DLGAP2: variants seen among roughly 807,000 people sequenced by gnomAD.
The protein encoded by DLGAP2 is DLG associated protein 2.
DLGAP2 carries 26 observed loss-of-function variants against 100.3 expected under a neutral mutation model. The observed-to-expected ratio is 0.26, with a 90% confidence interval of 0.19 to 0.36. The LOEUF is 0.36. Among genes scored for constraint, DLGAP2 ranks in the 10% least tolerant of loss-of-function variants. DLGAP2 has a pLI of 1.00. For synonymous variants in DLGAP2, 886 were observed against 630.1 expected, an observed-to-expected ratio of 1.41 and a Z score of -6.08; for missense variants, 1,858 against 1,453.2, an observed-to-expected ratio of 1.28 and a Z score of -4.53.
At position 1,453,801 on chromosome 8, in the gene DLGAP2, G is replaced by A. The variant is rs79300884; in HGVS notation, c.107-47565G>A. 1.5e-3 allele frequency among the ~76,000 whole-genome samples: 228 copies of A among 152,310 alleles called. No homozygotes were observed. The East Asian group carries it at 0.029, about 19-fold the overall frequency. On this transcript the variant is annotated intron_variant, in intron 3 of 14. Coordinates refer to ENST00000637795, the MANE Select transcript of DLGAP2 (RefSeq NM_001346810.2). ...TTTCAACATACTCCCAACCCATAAG[G>A]CATCATGCAAGAATTATGAAGAAAA...
At chr8:965,738 C>CCACACAGGG (rs1799851060) in intron 2 of DLGAP2, among the ~76,000 whole-genome samples, 4 of 140,708 alleles carry the variant, frequency 2.8e-5, no homozygotes, top group South Asian at 2.3e-4. Flanking sequence ...GCACTGTTCA[C>CCACACAGGG]CTCACACGGC....
intron 2 of DLGAP2, among the ~76,000 whole-genome samples, chr8:1,112,930 G>A (rs1392685069): frequency 6.6e-6 from 1 of 152,034 alleles, no homozygotes; most frequent in African/African-American, 2.4e-5. Context: ...ATGACTAGCC[G>A]GTTATCCCAG....
At chr8:1,068,199 C>G (rs901471450) in intron 2 of DLGAP2, among the ~76,000 whole-genome samples, 2 of 152,110 alleles carry the variant, frequency 1.3e-5, no homozygotes, top group African/African-American at 4.8e-5. Context: ...TTATCTGTTC[C>G]CTTATGAGGG....
At chr8:1,564,464 C>T (rs1035924772) in intron 5 of DLGAP2, among the ~76,000 whole-genome samples, 1 of 152,156 alleles carries the variant, frequency 6.6e-6, no homozygotes, top group Non-Finnish European at 1.5e-5. Flanking sequence ...ATAAAATGCA[C>T]GTGGGTTCAG....
At chr8:1,001,710 A>G (rs1203426227) in intron 2 of DLGAP2, among the ~76,000 whole-genome samples, 4 of 152,180 alleles carry the variant, frequency 2.6e-5, no homozygotes, top group Non-Finnish European at 5.9e-5. Context: ...GCAGCAAGCC[A>G]TTTATCTTTT....
intron 8 of DLGAP2, among the ~76,000 whole-genome samples, chr8:1,657,094 T>A (rs1563044880): frequency 6.7e-6 from 1 of 150,168 alleles, no homozygotes; most frequent in African/African-American, 2.4e-5. Flanking sequence ...GGAATAGGTA[T>A]TTTTTTTTTA....
chr8:934,902 A>T (rs1018066107), intron 2 of DLGAP2, among the ~76,000 whole-genome samples: 4 of 152,190 alleles, frequency 2.6e-5, no homozygotes, highest in African/African-American at 4.8e-5. Flanking sequence ...GCTTTCCCTC[A>T]GCTCTGCCTC....
At chr8:1,028,111 G>C (rs1417779179) in intron 2 of DLGAP2, among the ~76,000 whole-genome samples, 6 of 133,474 alleles carry the variant, frequency 4.5e-5, no homozygotes, top group Admixed American at 7.3e-5. Flanking sequence ...CCAGGGGCCC[G>C]TTATTCTCCA....
intron 6 of DLGAP2, among the ~76,000 whole-genome samples, chr8:1,578,500 T>C (rs917631174): frequency 6.6e-6 from 1 of 152,152 alleles, no homozygotes; most frequent in Non-Finnish European, 1.5e-5. Flanking sequence ...GGGTCTTTAA[T>C]TGGCTGTTAT....
intron 3 of DLGAP2, among the ~76,000 whole-genome samples, chr8:1,491,620 C>A (rs1018529524): frequency 6.6e-6 from 1 of 152,162 alleles, no homozygotes; most frequent in Admixed American, 6.5e-5. Context: ...GGGGACCTAA[C>A]GCCGCATGTA....
chr8:1,594,905 C>T (rs938089018), intron 6 of DLGAP2, among the ~76,000 whole-genome samples: 2 of 152,238 alleles, frequency 1.3e-5, no homozygotes, highest in Non-Finnish European at 2.9e-5. Context: ...CCACCTCTGA[C>T]TTCTTCCTGC....
chr8:1,525,009 C>G (rs1800744466), intron 4 of DLGAP2, among the ~76,000 whole-genome samples: 1 of 152,114 alleles, frequency 6.6e-6, no homozygotes, highest in Non-Finnish European at 1.5e-5. Context: ...AGCAGCCAAT[C>G]CTTTCCCTGG....
At chr8:755,334 T>G (rs1217522545) in intron 1 of DLGAP2, among the ~76,000 whole-genome samples, 1 of 152,086 alleles carries the variant, frequency 6.6e-6, no homozygotes, top group Non-Finnish European at 1.5e-5. Context: ...GCGTGGGGGC[T>G]CTTGCCTGAG....
chr8:1,118,634 C>T lies in DLGAP2; in HGVS notation c.74-140217C>T, dbSNP rs577650854. Among the ~76,000 whole-genome samples the T allele has an allele frequency of 1.1e-4, 17 of 152,276 alleles. No homozygotes were observed. In the South Asian group the frequency reaches 1.9e-3, roughly 17 times the overall value. ...ACAGAAGTCTAGGAGGAACTGCAGA[C>T]GGCCCCTGTACTGAGGGCATTTTGT... is the stretch of plus-strand genomic sequence containing the variant. On this transcript the variant is annotated intron_variant, in intron 2 of 14. Transcript: ENST00000637795.
chr8:1,472,573 G>T (rs1463759999), intron 3 of DLGAP2, among the ~76,000 whole-genome samples: 2 of 152,152 alleles, frequency 1.3e-5, no homozygotes. Context: ...TGGAGACGCT[G>T]AGGTCAGATT....
intron 1 of DLGAP2, among the ~76,000 whole-genome samples, chr8:894,002 G>T (rs183285391): frequency 4.0e-4 from 61 of 152,358 alleles, no homozygotes; most frequent in African/African-American, 1.5e-3. Context: ...CACCCAGGCC[G>T]TGTGGCTCAG....
intron 2 of DLGAP2, among the ~76,000 whole-genome samples, chr8:1,216,178 G>T (rs1476637106): frequency 6.6e-6 from 1 of 152,192 alleles, no homozygotes; most frequent in Non-Finnish European, 1.5e-5. Context: ...ATCTGCAGGG[G>T]ACTAATAGCT....
chr8:746,809 CTCTG>C (rs1049951365), intron 1 of DLGAP2, among the ~76,000 whole-genome samples: 3 of 152,268 alleles, frequency 2.0e-5, no homozygotes, highest in African/African-American at 7.2e-5. Context: ...ACCAGGTTCC[CTCTG>C]TCTGCTCTGT....
At chr8:1,572,216 A>G (rs186321213) in intron 6 of DLGAP2, among the ~76,000 whole-genome samples, 113 of 57,630 alleles carry the variant, frequency 2.0e-3, no homozygotes, top group Middle Eastern at 0.015. Context: ...CTGTGGGGGC[A>G]TCTGATGAGA....
Sources: gnomAD v4.1 joint callset for allele counts (sites outside exome capture counted in the v4.1 genomes callset) on GRCh38, gnomAD v4.1.1 for gene constraint, MANE v1.5 for transcripts, NCBI Gene and HGNC (gene_info 2026-07-23, HGNC 2026-07-21) for gene names.